Variants in ETHE1 observed in about 807,000 individuals in gnomAD.
ETHE1 encodes the protein persulfide dioxygenase ETHE1, mitochondrial.
In ETHE1, 16 loss-of-function variants were observed where a neutral mutation model predicts 25.7. The observed-to-expected ratio is 0.62, with a 90% CI of 0.42 to 0.95. ETHE1 has a LOEUF of 0.95. ETHE1 is among the 40% of genes least tolerant of loss of function. The pLI is 0.00. For synonymous variants in ETHE1, 139 were observed against 135.9 expected, an observed-to-expected ratio of 1.02 and a Z score of -0.16; for missense variants, 300 against 333.6, an observed-to-expected ratio of 0.90 and a Z score of 0.79.
chr19:43,518,832 T>C (rs144455514), intron 3 of ETHE1, among the ~76,000 whole-genome samples: 103 of 151,140 alleles, frequency 6.8e-4, no homozygotes, highest in African/African-American at 2.5e-3. Flanking sequence ...AGTCTCAAAG[T>C]ATAGCCTAGA....
At chr19:43,521,986 G>A (rs1429876273) in intron 3 of ETHE1, among the ~76,000 whole-genome samples, 3 of 151,984 alleles carry the variant, frequency 2.0e-5, no homozygotes, top group Non-Finnish European at 4.4e-5. Flanking sequence ...AAGGAGGATC[G>A]CTTGAGCCTA....
chr19:43,507,793 C>T, intron 6 of ETHE1, 151 bp downstream of exon 6: 1 of 436,704 alleles, frequency 2.3e-6, no homozygotes, highest in Non-Finnish European at 3.9e-6. Flanking sequence ...CCCAGCCTCT[C>T]CTCCCTCAGA....
intron 4 of ETHE1, among the ~76,000 whole-genome samples, chr19:43,509,848 C>T (rs1214251469): frequency 2.0e-5 from 3 of 152,126 alleles, no homozygotes; most frequent in Non-Finnish European, 4.4e-5. Context: ...ACATGAGGCC[C>T]AGGAGGAGAG....
In ETHE1 at chr19:43,508,035, C is replaced by A. The variant is rs775667650; in HGVS notation, c.621G>T (p.Glu207Asp). Residue 207 changes from glutamate to aspartate, a missense_variant, in exon 6 of 7, where the codon GAG becomes GAT. Glu to Asp is a conservative substitution (Grantham distance 45, BLOSUM62 2). Coordinates refer to ENST00000292147, the MANE Select transcript of ETHE1 (RefSeq NM_014297.5). ...YHGFTVSTVEEERTLNPRLTL... is the reference protein window; with the variant it reads ...YHGFTVSTVEDERTLNPRLTL... ...TGAGCCGAGGGTTCAGAGTCCTCTC[C>A]TCCTCCACGGTGGACACTGTGAACC... The A allele has an allele frequency of 8.7e-6, 14 of 1,613,980 alleles. No individual in the cohort carries two copies. The South Asian group carries it at 1.5e-4, about 18-fold the overall frequency.
rs981385509 is a variant in ETHE1, at chr19:43,513,202, T to C, written c.376-1636A>G. On this transcript the variant is annotated intron_variant, in intron 3 of 6. Coordinates refer to ENST00000292147, the MANE Select transcript of ETHE1 (RefSeq NM_014297.5). ...GGGTGAAGCCTTCATAGGGAACCTC[T>C]GCTAGGACAGTGCAGAAGGGAAATG... Among the ~76,000 whole-genome samples, 3 of 152,108 alleles carry C rather than the reference T, an allele frequency of 2.0e-5. No homozygotes were observed. The East Asian group carries it at 5.8e-4, about 29-fold the overall frequency.
In ETHE1 at chr19:43,526,533, GCCC is replaced by G. The variant is rs764267580; in HGVS notation, c.205_207del (p.Gly69del). ...GACTGACCAGCATAGAGCAGCCGCA[GCCC>G]CAGCTCCTTGATCAGCTGGGCATCC... On this transcript the variant is annotated inframe_deletion, in exon 2 of 7. Coordinates refer to ENST00000292147, the MANE Select transcript of ETHE1 (RefSeq NM_014297.5). 6.2e-7 allele frequency: 1 copy of G among 1,613,688 alleles called. No homozygotes were observed. The highest frequency in any genetic ancestry group is 1.1e-5 in the South Asian group (1 of 90,996).
intron 3 of ETHE1, among the ~76,000 whole-genome samples, chr19:43,515,253 C>T (rs184959344): frequency 9.2e-5 from 14 of 151,978 alleles, no homozygotes; most frequent in African/African-American, 3.4e-4. Flanking sequence ...CCCATCTCTA[C>T]TAAAAATACA....
At chr19:43,514,636 C>T (rs557616127) in intron 3 of ETHE1, among the ~76,000 whole-genome samples, 6 of 152,140 alleles carry the variant, frequency 3.9e-5, no homozygotes, top group Non-Finnish European at 8.8e-5. Flanking sequence ...CAGGCATGTA[C>T]CACCACACCT....
At chr19:43,519,984 C>T (rs573767872) in intron 3 of ETHE1, among the ~76,000 whole-genome samples, 92 of 150,016 alleles carry the variant, frequency 6.1e-4, no homozygotes, top group African/African-American at 2.2e-3. Flanking sequence ...GAGGCTGAGG[C>T]GGGAGGATCA....
chr19:43,516,092 A>G (rs1325213174), intron 3 of ETHE1, among the ~76,000 whole-genome samples: 2 of 152,202 alleles, frequency 1.3e-5, no homozygotes, highest in East Asian at 3.8e-4. Flanking sequence ...TCTTCACGCT[A>G]TGGTTGACCA....
intron 1 of ETHE1, 134 bp downstream of exon 1, chr19:43,526,963 T>C: frequency 6.5e-7 from 1 of 1,528,178 alleles, no homozygotes; most frequent in South Asian, 1.2e-5. Flanking sequence ...AGTCCAGCCC[T>C]AAACCTCCAC....
At chr19:43,523,541 T>A (rs1972178185) in intron 3 of ETHE1, among the ~76,000 whole-genome samples, 1 of 151,664 alleles carries the variant, frequency 6.6e-6, no homozygotes, top group Non-Finnish European at 1.5e-5. Context: ...CCTCTCAACG[T>A]ACTGGAATTA....
chr19:43,521,009 G>T (rs897585396), intron 3 of ETHE1, among the ~76,000 whole-genome samples: 3 of 152,058 alleles, frequency 2.0e-5, no homozygotes, highest in Admixed American at 6.6e-5. Flanking sequence ...TGGCAGCTAA[G>T]ATGTTCACTT....
At chr19:43,511,855 C>G (rs1971925376) in intron 3 of ETHE1, among the ~76,000 whole-genome samples, 1 of 152,148 alleles carries the variant, frequency 6.6e-6, no homozygotes, top group Non-Finnish European at 1.5e-5. Flanking sequence ...CCACCCAAAT[C>G]TCATCTTGAA....
intron 5 of ETHE1, among the ~76,000 whole-genome samples, chr19:43,508,346 C>CTTTTTTTTTT (rs397933393): frequency 1.6e-5 from 2 of 124,710 alleles, no homozygotes; most frequent in Admixed American, 8.6e-5. Context: ...CACTTTATCT[C>CTTTTTTTTTT]TTTTTTTTTT....
intron 3 of ETHE1, 108 bp from the exon 4 acceptor site, chr19:43,511,674 G>T: frequency 8.0e-7 from 1 of 1,242,262 alleles, no homozygotes; most frequent in Non-Finnish European, 1.1e-6. Flanking sequence ...AAACATTTTG[G>T]TAAAAAATGT....
At chr19:43,510,461 A>T (rs1971889892) in intron 4 of ETHE1, among the ~76,000 whole-genome samples, 1 of 150,418 alleles carries the variant, frequency 6.6e-6, no homozygotes, top group African/African-American at 2.5e-5. Context: ...CAGCCTCCCG[A>T]GTAGCTGGGA....
intron 3 of ETHE1, among the ~76,000 whole-genome samples, chr19:43,521,023 A>T (rs1972128335): frequency 6.6e-6 from 1 of 152,078 alleles, no homozygotes; most frequent in African/African-American, 2.4e-5. Context: ...TTCACTTCTC[A>T]ATCAGTTTAT....
At position 43,508,755 on chromosome 19, in the gene ETHE1, C is replaced by G. The variant is rs1185729680; in HGVS notation, c.595+20G>C. 2 of 1,566,940 alleles carry G rather than the reference C, an allele frequency of 1.3e-6. No homozygotes were observed. Among genetic ancestry groups the G allele is most frequent in the Non-Finnish European group, 1.7e-6 (2 of 1,148,522 alleles). ...TTTCAAAGTTATGTACGCCCCACAC[C>G]TCTTCCAGGAAGCCCTCACCATGGT... On this transcript the variant is annotated intron_variant, in intron 5 of 6. Coordinates refer to ENST00000292147, the MANE Select transcript of ETHE1 (RefSeq NM_014297.5).
Sources: allele counts gnomAD v4.1 joint callset (sites outside exome capture counted in the v4.1 genomes callset), GRCh38; gene constraint gnomAD v4.1.1; transcripts MANE v1.5; gene names NCBI Gene and HGNC (gene_info 2026-07-23, HGNC 2026-07-21).